CNTN1: variants seen among roughly 807,000 people sequenced by gnomAD.
The protein encoded by CNTN1 is contactin-1.
CNTN1 carries 38 observed loss-of-function variants against 126.4 expected under a neutral mutation model. That is an observed-to-expected ratio of 0.30 (90% CI 0.23 to 0.39). CNTN1 has a LOEUF of 0.39. CNTN1 is among the 10% of genes least tolerant of loss of function. CNTN1 has a pLI of 1.00. For synonymous variants in CNTN1, 413 were observed against 422.6 expected (o/e 0.98, Z 0.28); for missense variants, 1,009 against 1,248.4 (o/e 0.81, Z 2.89).
chr12:41,067,183 T>A (rs1020449596), intron 23 of CNTN1, among the ~76,000 whole-genome samples: 13 of 152,172 alleles, frequency 8.5e-5, no homozygotes, highest in Non-Finnish European at 8.8e-5. Flanking sequence ...AAGACCAAAA[T>A]TACATAAGCT....
At chr12:40,786,079 G>T (rs143117532) in intron 1 of CNTN1, among the ~76,000 whole-genome samples, 5 of 152,166 alleles carry the variant, frequency 3.3e-5, no homozygotes. Flanking sequence ...TAGGTCAGAC[G>T]TCCAGTATGG....
chr12:40,759,855 A>G (rs1451796752), intron 1 of CNTN1, among the ~76,000 whole-genome samples: 2 of 151,016 alleles, frequency 1.3e-5, no homozygotes, highest in Non-Finnish European at 2.9e-5. Context: ...CACCTACAAC[A>G]GGAACTGATT....
intron 1 of CNTN1, among the ~76,000 whole-genome samples, chr12:40,748,486 T>C (rs1565681220): frequency 6.6e-6 from 1 of 152,132 alleles, no homozygotes; most frequent in Non-Finnish European, 1.5e-5. Context: ...ATTAAAACTT[T>C]CTAAAGATTG....
chr12:40,708,855 G>A (rs559303077), intron 1 of CNTN1, among the ~76,000 whole-genome samples: 8 of 152,068 alleles, frequency 5.3e-5, no homozygotes, highest in South Asian at 2.1e-4. Flanking sequence ...TCAAATATTC[G>A]AGCTCCACTT....
At chr12:40,958,995 A>G in intron 14 of CNTN1, 119 bp from the exon 15 acceptor site, 1 of 1,212,760 alleles carries the variant, frequency 8.2e-7, no homozygotes, top group Non-Finnish European at 1.2e-6. Flanking sequence ...AGCATGTCTA[A>G]AACACATTCT....
chr12:40,871,038 A>G (rs76806106), intron 1 of CNTN1, among the ~76,000 whole-genome samples: 14,827 of 120,768 alleles, frequency 0.12, 850 homozygotes, highest in Non-Finnish European at 0.15. Flanking sequence ...CAGGACAGAT[A>G]AACATAAACC....
At chr12:40,996,453 C>T (rs1364782467) in intron 17 of CNTN1, among the ~76,000 whole-genome samples, 1 of 152,070 alleles carries the variant, frequency 6.6e-6, no homozygotes, top group Non-Finnish European at 1.5e-5. Context: ...TTTTTCATTT[C>T]TAAATGGGAA....
At chr12:40,978,499 T>A (rs960025079) in intron 15 of CNTN1, among the ~76,000 whole-genome samples, 3 of 152,114 alleles carry the variant, frequency 2.0e-5, no homozygotes, top group Non-Finnish European at 4.4e-5. Context: ...GACAATTATG[T>A]TTACAGAACT....
At chr12:40,890,665 AT>A (rs1160416558) in intron 1 of CNTN1, among the ~76,000 whole-genome samples, 6 of 152,154 alleles carry the variant, frequency 3.9e-5, no homozygotes, top group African/African-American at 1.4e-4. Flanking sequence ...TCCTTAATAT[AT>A]TCTCCTGGCT....
At chr12:40,871,186 GAAAAAAAAAAAAAAAAAA>G (rs201485882) in intron 1 of CNTN1, among the ~76,000 whole-genome samples, 71,026 of 114,112 alleles carry the variant, frequency 0.62, 18,113 homozygotes, top group African/African-American at 0.7. Context: ...CTGTTACAGA[GAAAAAAAAAAAAAAAAAA>G]AAAAAAAAAA....
At chr12:40,969,784 G>T (rs12813335) in intron 15 of CNTN1, among the ~76,000 whole-genome samples, 5 of 152,270 alleles carry the variant, frequency 3.3e-5, no homozygotes, top group African/African-American at 1.2e-4. Flanking sequence ...AAGTGAGTGA[G>T]AGTTAGCATG....
chr12:41,023,673 T>G (rs1948975798), intron 20 of CNTN1, among the ~76,000 whole-genome samples: 1 of 152,198 alleles, frequency 6.6e-6, no homozygotes, highest in Non-Finnish European at 1.5e-5. Context: ...CTGATTTCAG[T>G]CATCATAAAA....
At chr12:40,793,454 C>G (rs1050956888) in intron 1 of CNTN1, among the ~76,000 whole-genome samples, 2 of 98,886 alleles carry the variant, frequency 2.0e-5, no homozygotes, top group African/African-American at 7.3e-5. Flanking sequence ...CCGTCAGCAC[C>G]TACTTGTGGG....
In CNTN1 at chr12:40,939,326, TC is replaced by T. The variant is rs754948008; in HGVS notation, c.1229-8del. 8.1e-6 allele frequency: 13 copies of T among 1,613,526 alleles called. No individual in the cohort carries two copies. The highest frequency in any genetic ancestry group is 3.3e-5 in the Admixed American group (2 of 59,896). ...GAAAGAGAAAGATAACAATTTGTTT[TC>T]TTTTTAGCGTTGGCTCCAACTTTTG... On this transcript the variant is annotated splice_polypyrimidine_tract_variant and splice_region_variant and intron_variant, in intron 11 of 23. Transcript: ENST00000551295.
At chr12:40,943,778 A>G in intron 13 of CNTN1, 54 bp downstream of exon 13, 1 of 1,584,300 alleles carries the variant, frequency 6.3e-7, no homozygotes, top group Non-Finnish European at 8.7e-7. Context: ...AACATGATTC[A>G]GCACTAAGCA....
chr12:40,802,004 A>G (rs1048292738), intron 1 of CNTN1, among the ~76,000 whole-genome samples: 1 of 151,886 alleles, frequency 6.6e-6, no homozygotes, highest in African/African-American at 2.4e-5. Context: ...TAATTAGGGG[A>G]TAGAAAAAGG....
chr12:40,854,916 G>T (rs1942846468), intron 1 of CNTN1, among the ~76,000 whole-genome samples: 1 of 152,078 alleles, frequency 6.6e-6, no homozygotes, highest in African/African-American at 2.4e-5. Flanking sequence ...AAGTCCTGTA[G>T]TTCAGTACTC....
chr12:40,813,094 T>C (rs1941141513), intron 1 of CNTN1, among the ~76,000 whole-genome samples: 2 of 126,288 alleles, frequency 1.6e-5, no homozygotes, highest in Non-Finnish European at 3.5e-5. Flanking sequence ...TTCCTTTCTT[T>C]CTCTTTCTTT....
At chr12:40,734,964 C>T (rs867725178) in intron 1 of CNTN1, among the ~76,000 whole-genome samples, 1 of 151,946 alleles carries the variant, frequency 6.6e-6, no homozygotes, top group Non-Finnish European at 1.5e-5. Context: ...GCATGATGTG[C>T]AACAGAGGAA....
Sources: allele counts gnomAD v4.1 joint callset (sites outside exome capture counted in the v4.1 genomes callset), GRCh38; gene constraint gnomAD v4.1.1; transcripts MANE v1.5; gene names NCBI Gene and HGNC (gene_info 2026-07-23, HGNC 2026-07-21).